Variants in EIF4E3 observed in about 807,000 individuals in gnomAD.
EIF4E3 encodes the protein eukaryotic translation initiation factor 4E type 3.
A neutral mutation model predicts 31.7 loss-of-function variants in EIF4E3; 26 were observed. The ratio of observed to expected loss-of-function variants is 0.82; its 90% confidence interval spans 0.60 to 1.14. The LOEUF is 1.14. Among genes scored for constraint, EIF4E3 ranks in the 50% most tolerant of loss-of-function variants. The probability of loss-of-function intolerance (pLI) is 0.00; values close to 1 mark genes in which losing one functional copy is unlikely to be tolerated. For synonymous variants in EIF4E3, 128 were observed against 107.7 expected (o/e 1.19, Z -1.17); for missense variants, 304 against 270.9 (o/e 1.12, Z -0.86).
chr3:71,735,785 T>G (rs995964251), intron 1 of EIF4E3, among the ~76,000 whole-genome samples: 3 of 151,578 alleles, frequency 2.0e-5, no homozygotes, highest in Admixed American at 2.0e-4. Flanking sequence ...TTTTTTCAAG[T>G]GAAGATCATT....
intron 1 of EIF4E3, among the ~76,000 whole-genome samples, chr3:71,713,060 A>T (rs916196524): frequency 1.1e-4 from 16 of 152,308 alleles, no homozygotes; most frequent in Non-Finnish European, 2.1e-4. Context: ...ATAAAATAAC[A>T]ACTAGGAAGT....
At chr3:71,737,188 T>C (rs2049772453) in intron 1 of EIF4E3, among the ~76,000 whole-genome samples, 1 of 152,198 alleles carries the variant, frequency 6.6e-6, no homozygotes, top group Non-Finnish European at 1.5e-5. Flanking sequence ...AGTCTGCCTG[T>C]GCTCCTAACA....
chr3:71,751,338 CA>C (rs1226373111), intron 1 of EIF4E3, among the ~76,000 whole-genome samples: 1 of 152,168 alleles, frequency 6.6e-6, no homozygotes, highest in Admixed American at 6.5e-5. Flanking sequence ...GCCTCCTCTG[CA>C]AAATGAAGAC....
At chr3:71,700,639 CCT>C (rs1408759345) in intron 2 of EIF4E3, among the ~76,000 whole-genome samples, 1 of 150,204 alleles carries the variant, frequency 6.7e-6, no homozygotes, top group African/African-American at 2.5e-5. Context: ...AAAAATCAAC[CCT>C]GTCTTCTCTA....
At chr3:71,701,028 C>T (rs145238316) in intron 2 of EIF4E3, among the ~76,000 whole-genome samples, 1 of 152,212 alleles carries the variant, frequency 6.6e-6, no homozygotes, top group East Asian at 1.9e-4. Context: ...CATGTACAAA[C>T]GAGGAAGAGG....
chr3:71,725,075 G>C lies in EIF4E3; in HGVS notation c.176+117C>G. Reference sequence around the variant, plus strand: ...GGTGCGCAGGCGGACGCGCGGAGGGGCCGAGGTCTGTGCCACAGCGGAGCG... The same window carrying C: ...GGTGCGCAGGCGGACGCGCGGAGGGCCCGAGGTCTGTGCCACAGCGGAGCG... On this transcript the variant is annotated intron_variant, in intron 1 of 6. Transcript: ENST00000425534. This position sits in a 1 kb window ranked among gnomAD's most constrained non-coding sequence, Gnocchi z 6.1. The C allele has an allele frequency of 1.3e-6, 1 of 789,292 alleles. No individual in the cohort carries two copies. The highest frequency in any genetic ancestry group is 5.8e-5 in the South Asian group (1 of 17,364). 48.9% of individuals were successfully genotyped at this position (789,292 alleles called of 1,614,324 possible).
Position 71,731,417 on chromosome 3 carries a change from T to C in EIF4E3, c.-290-2794A>G, listed in dbSNP as rs546471658. Among the ~76,000 whole-genome samples the C allele has an allele frequency of 1.7e-4, 26 of 152,282 alleles. No homozygotes were observed. In the South Asian group the frequency reaches 3.7e-3, roughly 22 times the overall value. ...CTGACTCCTTCTCCTGCCTTAGGCC[T>C]CCACTCTAAAGCAGGTCTTCTCCCC... On this transcript the variant is annotated intron_variant, in intron 1 of 7. Coordinates refer to the EIF4E3 transcript ENST00000295612.
At chr3:71,695,960 T>C (rs1477726037) in intron 4 of EIF4E3, among the ~76,000 whole-genome samples, 1 of 152,174 alleles carries the variant, frequency 6.6e-6, no homozygotes, top group East Asian at 1.9e-4. Flanking sequence ...CAGGTTCTCA[T>C]CGGCCCCAGA....
chr3:71,688,781 C>T (rs1476389526), intron 6 of EIF4E3, among the ~76,000 whole-genome samples: 6 of 152,166 alleles, frequency 3.9e-5, no homozygotes, highest in Admixed American at 1.3e-4. Context: ...GGCAAATTGG[C>T]AACTTCTACA....
chr3:71,709,144 C>T (rs2049338329), intron 2 of EIF4E3, among the ~76,000 whole-genome samples: 1 of 152,132 alleles, frequency 6.6e-6, no homozygotes, highest in African/African-American at 2.4e-5. Flanking sequence ...CTAAGAGACA[C>T]AATCTAGATG....
upstream of EIF4E3, among the ~76,000 whole-genome samples, chr3:71,729,352 C>G (rs2049677845): frequency 6.6e-6 from 1 of 152,214 alleles, no homozygotes; most frequent in East Asian, 1.9e-4. Context: ...TAGTGACATT[C>G]CCTCCATTGA....
chr3:71,701,991 AGTTTCTGT>A (rs1298913353), intron 2 of EIF4E3, among the ~76,000 whole-genome samples: 1 of 152,144 alleles, frequency 6.6e-6, no homozygotes, highest in Admixed American at 6.5e-5. Context: ...CCAATATTTC[AGTTTCTGT>A]GGTGTGAGGG....
rs2048889222 is a variant in EIF4E3, at chr3:71,678,213, T to G, written c.*6469A>C. On this transcript the variant is annotated 3_prime_UTR_variant, in exon 7 of 7. Transcript: ENST00000425534. ...TGTGGTTGATTAAACTGCATGAAAT[T>G]TTTAAACTGGAGGATGAAAATGACA... 2 of 152,194 alleles carry G rather than the reference T, an allele frequency of 1.3e-5. No homozygotes were observed. Among genetic ancestry groups the G allele is most frequent in the South Asian group, 2.1e-4 (1 of 4,836 alleles). The allele number at this position is 152,194 out of a possible 1,614,324, so 9.4% of individuals were successfully genotyped here. A position where few individuals can be genotyped will look rare whatever the true frequency, so the allele number is the denominator to read the frequency against.
At chr3:71,699,511 A>C (rs2049185241) in intron 3 of EIF4E3, 103 bp downstream of exon 3, 2 of 1,049,574 alleles carry the variant, frequency 1.9e-6, no homozygotes, top group Non-Finnish European at 2.9e-6. Context: ...CAGACTTTCT[A>C]TGTTGTCCAT....
chr3:71,747,858 T>TA (rs1474145245), intron 1 of EIF4E3, among the ~76,000 whole-genome samples: 1 of 152,196 alleles, frequency 6.6e-6, no homozygotes. Flanking sequence ...AACCAACTGT[T>TA]AAAGAGTTTT....
chr3:71,703,189 C>A (rs1226899877), intron 2 of EIF4E3, among the ~76,000 whole-genome samples: 1 of 152,144 alleles, frequency 6.6e-6, no homozygotes, highest in Non-Finnish European at 1.5e-5. Flanking sequence ...ACATCTGTGA[C>A]CATCAGTTGT....
chr3:71,738,453 G>GA (rs1176954433), intron 1 of EIF4E3, among the ~76,000 whole-genome samples: 25 of 151,374 alleles, frequency 1.7e-4, no homozygotes, highest in Admixed American at 7.2e-4. Flanking sequence ...GGTTGAAAGG[G>GA]AAAAAAAATG....
intron 5 of EIF4E3, among the ~76,000 whole-genome samples, chr3:71,691,337 C>G (rs2049060713): frequency 6.6e-6 from 1 of 152,134 alleles, no homozygotes; most frequent in African/African-American, 2.4e-5. Context: ...AAAAACATAT[C>G]CAATTTACTA....
chr3:71,710,651 T>C (rs2049365226), intron 1 of EIF4E3, among the ~76,000 whole-genome samples, 167 bp from the exon 2 acceptor site: 1 of 152,218 alleles, frequency 6.6e-6, no homozygotes, highest in South Asian at 2.1e-4. Flanking sequence ...ATCCCTACTT[T>C]GTGAAGTCAT....
Sources: gnomAD v4.1 joint callset for allele counts (sites outside exome capture counted in the v4.1 genomes callset) on GRCh38, gnomAD v4.1.1 for gene constraint, Gnocchi (gnomAD v3.1) non-coding constraint, MANE v1.5 for transcripts, NCBI Gene and HGNC (gene_info 2026-07-23, HGNC 2026-07-21) for gene names.